Variants in NAV3 observed in about 807,000 individuals in gnomAD.
NAV3 encodes the protein neuron navigator 3.
A neutral mutation model predicts 244.7 loss-of-function variants in NAV3; 87 were observed. The ratio of observed to expected loss-of-function variants is 0.36; its 90% CI spans 0.30 to 0.42. The LOEUF (loss-of-function observed/expected upper bound fraction) is 0.42, where lower values mean the gene tolerates loss of function less well. Among genes scored for constraint, NAV3 ranks in the 20% least tolerant of loss-of-function variants. The pLI is 1.00. For synonymous variants in NAV3, 1,126 were observed against 1,042.2 expected (o/e 1.08, Z -1.55); for missense variants, 2,663 against 2,893.3 (o/e 0.92, Z 1.83).
intron 1 of NAV3, among the ~76,000 whole-genome samples, chr12:77,938,285 T>C (rs1889520044): frequency 6.6e-6 from 1 of 152,178 alleles, no homozygotes; most frequent in Non-Finnish European, 1.5e-5. Flanking sequence ...ATCATACAAA[T>C]ATAATCAAAT....
chr12:78,053,660 C>T (rs559726242), intron 11 of NAV3, among the ~76,000 whole-genome samples: 1 of 152,006 alleles, frequency 6.6e-6, no homozygotes, highest in South Asian at 2.1e-4. Context: ...TTAAACAGCA[C>T]AATTCTCAGC....
At chr12:77,601,365 T>A (rs1870420813) in intron 2 of NAV3, among the ~76,000 whole-genome samples, 4 of 151,924 alleles carry the variant, frequency 2.6e-5, no homozygotes, top group Admixed American at 2.6e-4. Context: ...CAAAAGAAAG[T>A]ATATATGATG....
At chr12:77,586,103 A>G (rs1379125631) in intron 2 of NAV3, among the ~76,000 whole-genome samples, 1 of 152,058 alleles carries the variant, frequency 6.6e-6, no homozygotes, top group African/African-American at 2.4e-5. Context: ...CGGAGCTTGC[A>G]GTGAGCCGAG....
At chr12:77,837,238 A>T (rs1359054723) in intron 1 of NAV3, among the ~76,000 whole-genome samples, 1 of 151,150 alleles carries the variant, frequency 6.6e-6, no homozygotes, top group Admixed American at 6.6e-5. Context: ...TAAAGTTTAA[A>T]CTTTAAACTT....
chr12:77,658,685 A>T (rs1873258470), intron 2 of NAV3, among the ~76,000 whole-genome samples: 1 of 152,166 alleles, frequency 6.6e-6, no homozygotes, highest in South Asian at 2.1e-4. Flanking sequence ...AGCTGGAGGC[A>T]TCACGCTACC....
chr12:78,079,106 G>T (rs1025819452), intron 12 of NAV3, among the ~76,000 whole-genome samples: 5 of 152,182 alleles, frequency 3.3e-5, no homozygotes, highest in Non-Finnish European at 2.9e-5. Context: ...CTGTGAGTAT[G>T]CCTTGGTGTT....
intron 5 of NAV3, among the ~76,000 whole-genome samples, chr12:77,970,137 G>A (rs1892876141): frequency 6.6e-6 from 1 of 152,118 alleles, no homozygotes; most frequent in Admixed American, 6.5e-5. Context: ...TACATAAATA[G>A]TTATGATTAT....
At chr12:77,701,959 G>T (rs1182370153) in intron 2 of NAV3, among the ~76,000 whole-genome samples, 1 of 151,862 alleles carries the variant, frequency 6.6e-6, no homozygotes, top group Non-Finnish European at 1.5e-5. Flanking sequence ...TTGCTATTGG[G>T]CATAGTGTTC....
intron 1 of NAV3, among the ~76,000 whole-genome samples, chr12:77,919,589 A>G (rs1294350037): frequency 6.6e-6 from 1 of 152,086 alleles, no homozygotes; most frequent in Non-Finnish European, 1.5e-5. Context: ...AAAGTATTCC[A>G]AAGTCTGTAA....
chr12:77,803,722 G>A (rs762416729), intron 2 of NAV3, among the ~76,000 whole-genome samples: 2 of 152,120 alleles, frequency 1.3e-5, no homozygotes, highest in African/African-American at 2.4e-5. Flanking sequence ...CACAGTGGTT[G>A]AACTAATTTA....
At chr12:77,689,486 T>C (rs1210012161) in intron 2 of NAV3, among the ~76,000 whole-genome samples, 1 of 151,918 alleles carries the variant, frequency 6.6e-6, no homozygotes, top group Middle Eastern at 3.2e-3. Flanking sequence ...GGCAGTGGCT[T>C]TTATGTTGGA....
chr12:77,671,097 A>G (rs919740311), intron 2 of NAV3, among the ~76,000 whole-genome samples: 2 of 152,162 alleles, frequency 1.3e-5, no homozygotes, highest in Non-Finnish European at 2.9e-5. Flanking sequence ...AAGTTTCAGG[A>G]TACAAAATTC....
chr12:77,810,046 A>G (rs1872203838), intron 2 of NAV3, among the ~76,000 whole-genome samples: 1 of 152,248 alleles, frequency 6.6e-6, no homozygotes, highest in Non-Finnish European at 1.5e-5. Context: ...GACTATTCAA[A>G]CTATTCTTTT....
In NAV3 at chr12:77,698,068, A is replaced by G. The variant is rs974277381; in HGVS notation, c.72+125802A>G. Among the ~76,000 whole-genome samples, 49 of 152,170 alleles carry G rather than the reference A, an allele frequency of 3.2e-4. 1 individual carries two copies. Among genetic ancestry groups the G allele is most frequent in the Non-Finnish European group, 5.7e-4 (39 of 68,014 alleles). On this transcript the variant is annotated intron_variant, in intron 2 of 8. Coordinates refer to the NAV3 transcript ENST00000550042. ...TAAAGGGATGACAAAATAAACTGTC[A>G]TCAGATTGAGAATGATCCAGAATGT...
At chr12:77,879,287 A>G (rs1882289935) in intron 1 of NAV3, among the ~76,000 whole-genome samples, 1 of 152,180 alleles carries the variant, frequency 6.6e-6, no homozygotes, top group Non-Finnish European at 1.5e-5. Context: ...TACACACTAC[A>G]AGATTTATGT....
chr12:77,668,181 G>A (rs1873805526), intron 2 of NAV3, among the ~76,000 whole-genome samples: 1 of 152,162 alleles, frequency 6.6e-6, no homozygotes. Flanking sequence ...ACCCAAATGA[G>A]ATGGACCCAG....
chr12:77,698,838 T>C (rs1211445892), intron 2 of NAV3, among the ~76,000 whole-genome samples: 1 of 152,118 alleles, frequency 6.6e-6, no homozygotes, highest in East Asian at 1.9e-4. Context: ...AATTTTAAAA[T>C]GATTCACCTA....
At chr12:78,007,751 A>G (rs1874493284) in intron 8 of NAV3, among the ~76,000 whole-genome samples, 1 of 152,204 alleles carries the variant, frequency 6.6e-6, no homozygotes, top group African/African-American at 2.4e-5. Context: ...TATTCATATT[A>G]TTGCTACTAC....
intron 2 of NAV3, among the ~76,000 whole-genome samples, chr12:77,619,856 T>A (rs1256927267): frequency 3.3e-5 from 5 of 151,916 alleles, no homozygotes; most frequent in Non-Finnish European, 5.9e-5. Context: ...AATTGCACGT[T>A]AATGTGACAA....
Sources: gnomAD v4.1 joint callset for allele counts (sites outside exome capture counted in the v4.1 genomes callset) on GRCh38, gnomAD v4.1.1 for gene constraint, MANE v1.5 for transcripts, NCBI Gene and HGNC (gene_info 2026-07-23, HGNC 2026-07-21) for gene names.